The following SLC24A2 variants were observed in gnomAD, a reference collection of about 807,000 sequenced individuals.
The protein encoded by SLC24A2 is solute carrier family 24 member 2, also known as sodium/potassium/calcium exchanger 2.
Under a neutral mutation model 62.0 loss-of-function variants are expected in SLC24A2, and 36 were observed. The observed-to-expected ratio is 0.58, with a 90% CI of 0.44 to 0.77. SLC24A2 has a LOEUF of 0.77. Among genes scored for constraint, SLC24A2 ranks in the 30% least tolerant of loss-of-function variants. The pLI is 0.00. For missense variants in SLC24A2, 846 were observed against 817.9 expected (o/e 1.03, Z -0.42); for synonymous variants, 358 against 294.0 (o/e 1.22, Z -2.23).
intron 4 of SLC24A2, among the ~76,000 whole-genome samples, chr9:19,603,778 A>G (rs1185989277): frequency 6.6e-6 from 1 of 152,176 alleles, no homozygotes; most frequent in Non-Finnish European, 1.5e-5. Context: ...CACAAAGTGA[A>G]ACTATAACAC....
the SLC24A2 span, among the ~76,000 whole-genome samples, chr9:19,866,675 C>T: frequency 5.2e-5 from 7 of 135,744 alleles, no homozygotes; most frequent in African/African-American, 1.7e-4. Context: ...CTCGCTCTAT[C>T]GCCCAGGCTG....
chr9:19,935,101 C>T, the SLC24A2 span, among the ~76,000 whole-genome samples: 1 of 151,502 alleles, frequency 6.6e-6, no homozygotes, highest in African/African-American at 2.4e-5. Flanking sequence ...CCTTTAGTCA[C>T]GGGGCAGGAT....
chr9:19,559,734 G>C (rs1442818694), intron 7 of SLC24A2, among the ~76,000 whole-genome samples: 1 of 152,080 alleles, frequency 6.6e-6, no homozygotes, highest in African/African-American at 2.4e-5. Context: ...TTTCACAAAG[G>C]AAATACCTAT....
chr9:20,216,893 A>G, the SLC24A2 span, among the ~76,000 whole-genome samples: 1 of 152,156 alleles, frequency 6.6e-6, no homozygotes, highest in Non-Finnish European at 1.5e-5. Flanking sequence ...GAGAGAAAAA[A>G]TATAATTAAA....
intron 2 of SLC24A2, among the ~76,000 whole-genome samples, chr9:19,723,106 T>G (rs1821076289): frequency 6.6e-6 from 1 of 152,292 alleles, no homozygotes; most frequent in South Asian, 2.1e-4. Context: ...TTTAAAGACC[T>G]GTCAATCTAA....
chr9:19,514,632 A>G lies in SLC24A2; in HGVS notation c.*1521T>C, dbSNP rs1472774975. The G allele has an allele frequency of 2.0e-5, 3 of 152,232 alleles. No homozygotes were observed. Among genetic ancestry groups the G allele is most frequent in the African/African-American group, 7.2e-5 (3 of 41,466 alleles). The allele number at this position is 152,232 out of a possible 1,614,324, so 9.4% of individuals were successfully genotyped here. A position where few individuals can be genotyped will look rare whatever the true frequency, so the allele number is the denominator to read the frequency against. On this transcript the variant is annotated 3_prime_UTR_variant, in exon 11 of 11. Coordinates refer to ENST00000341998, the MANE Select transcript of SLC24A2 (RefSeq NM_020344.4). ...CATGCATTCAATGTAATGTTGAGCA[A>G]AATCAAGAAATCAAATTGTTGGAGT...
chr9:19,775,616 A>T (rs1311899262), intron 2 of SLC24A2, among the ~76,000 whole-genome samples: 1 of 151,998 alleles, frequency 6.6e-6, no homozygotes, highest in Non-Finnish European at 1.5e-5. Flanking sequence ...ATTTATATGT[A>T]TTTAATGGTC....
chr9:20,133,310 C>T, the SLC24A2 span, among the ~76,000 whole-genome samples: 1 of 152,210 alleles, frequency 6.6e-6, no homozygotes, highest in Non-Finnish European at 1.5e-5. Flanking sequence ...TACACATTTA[C>T]ACATTTCAAA....
chr9:19,905,518 C>T, the SLC24A2 span, among the ~76,000 whole-genome samples: 1 of 151,770 alleles, frequency 6.6e-6, no homozygotes, highest in African/African-American at 2.4e-5. Flanking sequence ...AAGCAATTCT[C>T]CTGCTTCAGC....
At chr9:20,197,204 G>T in the SLC24A2 span, among the ~76,000 whole-genome samples, 80 of 152,240 alleles carry the variant, frequency 5.3e-4, no homozygotes, top group African/African-American at 1.8e-3. Flanking sequence ...ATTTCAGAAT[G>T]AAAGTATATG....
chr9:20,100,308 A>G, the SLC24A2 span, among the ~76,000 whole-genome samples: 1 of 151,942 alleles, frequency 6.6e-6, no homozygotes, highest in African/African-American at 2.4e-5. Context: ...CCATACACCC[A>G]CCTTGGCCTT....
chr9:19,897,927 C>T, the SLC24A2 span, among the ~76,000 whole-genome samples: 5 of 152,186 alleles, frequency 3.3e-5, no homozygotes, highest in Admixed American at 6.5e-5. Context: ...TGTTATTCCC[C>T]ATCCCACTTT....
the SLC24A2 span, among the ~76,000 whole-genome samples, chr9:20,194,572 G>A: frequency 6.6e-6 from 1 of 152,076 alleles, no homozygotes; most frequent in Non-Finnish European, 1.5e-5. Flanking sequence ...GAAAAGAAAT[G>A]CCAGCAATAT....
chr9:19,578,030 T>C (rs1337488917), intron 5 of SLC24A2, among the ~76,000 whole-genome samples: 1 of 150,878 alleles, frequency 6.6e-6, no homozygotes, highest in East Asian at 2.0e-4. Context: ...ACATGGGAGC[T>C]AAGCTATGAG....
intron 8 of SLC24A2, among the ~76,000 whole-genome samples, chr9:19,533,822 A>C (rs1006226442): frequency 5.3e-4 from 80 of 152,232 alleles, no homozygotes; most frequent in Non-Finnish European, 1.0e-3. Context: ...TACAAGGTCA[A>C]ATCTAACAAA....
the SLC24A2 span, among the ~76,000 whole-genome samples, chr9:20,261,844 A>G: frequency 2.9e-5 from 4 of 136,272 alleles, no homozygotes; most frequent in Non-Finnish European, 4.5e-5. Flanking sequence ...GATTCACGCC[A>G]TTCTCCTGCC....
the SLC24A2 span, among the ~76,000 whole-genome samples, chr9:20,128,893 G>A: frequency 1.3e-5 from 2 of 151,972 alleles, no homozygotes; most frequent in South Asian, 2.1e-4. Context: ...CAAAGGACTC[G>A]TACATATGAT....
At chr9:20,221,311 G>C in the SLC24A2 span, among the ~76,000 whole-genome samples, 2 of 152,070 alleles carry the variant, frequency 1.3e-5, no homozygotes, top group South Asian at 2.1e-4. Context: ...ATAGCAGTAA[G>C]AGTGATGAGA....
At chr9:19,940,585 G>A in the SLC24A2 span, among the ~76,000 whole-genome samples, 2 of 151,990 alleles carry the variant, frequency 1.3e-5, no homozygotes, top group African/African-American at 2.4e-5. Context: ...ACCCCAAAAG[G>A]CTTGTGGAAT....
Sources: allele counts gnomAD v4.1 joint callset (sites outside exome capture counted in the v4.1 genomes callset), GRCh38; gene constraint gnomAD v4.1.1; transcripts MANE v1.5; gene names NCBI Gene and HGNC (gene_info 2026-07-23, HGNC 2026-07-21).